The following TRIML1 variants were observed in gnomAD, a reference collection of about 807,000 sequenced individuals.
TRIML1 encodes the protein tripartite motif family like 1, also known as probable E3 ubiquitin-protein ligase TRIML1.
In TRIML1, 34 loss-of-function variants were observed where a neutral mutation model predicts 32.3. That is an observed-to-expected ratio of 1.05 (90% CI 0.80 to 1.40). The LOEUF (loss-of-function observed/expected upper bound fraction) is 1.40. Ranked by LOEUF, TRIML1 falls within the 40% of genes most tolerant of loss-of-function variation. The pLI is 0.00. For synonymous variants in TRIML1, 244 were observed against 226.6 expected (o/e 1.08, Z -0.69); for missense variants, 595 against 574.9 (o/e 1.03, Z -0.36).
At position 188,141,408 on chromosome 4, in the gene TRIML1, C is replaced by T. The variant is rs139343989; in HGVS notation, c.504+785C>T. 3.5e-3 allele frequency among the ~76,000 whole-genome samples: 536 copies of T among 152,130 alleles called. 4 individuals are homozygous for T. Among genetic ancestry groups the T allele is most frequent in the African/African-American group, 0.012 (515 of 41,506 alleles). On this transcript the variant is annotated intron_variant, in intron 2 of 5. Transcript: ENST00000332517. ...CTCGAACTCCCGACCTCAGGTAATC[C>T]ACCTGTCTCGGTCTCCCAAAGTGCT...
At chr4:188,145,056 A>C (rs1271842648) in intron 5 of TRIML1, among the ~76,000 whole-genome samples, 1 of 152,162 alleles carries the variant, frequency 6.6e-6, no homozygotes, top group Non-Finnish European at 1.5e-5. Flanking sequence ...TTCCTTTTGT[A>C]GAATTTTCAA....
Position 188,147,551 on chromosome 4 carries a change from C to T in TRIML1, c.*179C>T, listed in dbSNP as rs957985670. The T allele has an allele frequency of 1.4e-5, 6 of 430,006 alleles. No individual in the cohort carries two copies. Among genetic ancestry groups the T allele is most frequent in the African/African-American group, 1.2e-4 (6 of 49,470 alleles). 26.6% of individuals were successfully genotyped at this position (430,006 alleles called of 1,614,324 possible). A position where few individuals can be genotyped will look rare whatever the true frequency, so the allele number is the denominator to read the frequency against. On this transcript the variant is annotated 3_prime_UTR_variant, in exon 6 of 6. Coordinates refer to ENST00000332517, the MANE Select transcript of TRIML1 (RefSeq NM_178556.5). ...ATTATGAACAGCCACATTACACAATCAACTTCAACCCCAATAGAAGAGAGC... is the reference window on the plus strand; with the variant it reads ...ATTATGAACAGCCACATTACACAATTAACTTCAACCCCAATAGAAGAGAGC...
Position 188,146,902 on chromosome 4 carries a change from A to T in TRIML1, c.937A>T (p.Ser313Cys). ...TCTGAAGAGTGTGAAATATGGGGGA[A>T]GCAGACAGCAGCTACCCGACAACCC... ...EDLKSVKYGG[S>C]RQQLPDNPER... Residue 313 changes from serine to cysteine, a missense_variant, in exon 6 of 6, where the codon AGC becomes TGC. Coordinates refer to ENST00000332517, the MANE Select transcript of TRIML1 (RefSeq NM_178556.5). 2.0e-6 allele frequency: 3 copies of T among 1,495,190 alleles called. No homozygotes were observed. The highest frequency in any genetic ancestry group is 2.7e-6 in the Non-Finnish European group (3 of 1,121,716). 92.6% of individuals were successfully genotyped at this position (1,495,190 alleles called of 1,614,324 possible). A position where few individuals can be genotyped will look rare whatever the true frequency, so the allele number is the denominator to read the frequency against.
At chr4:188,140,483 C>T (rs1271219933) in intron 1 of TRIML1, 45 bp from the exon 2 acceptor site, 1 of 1,517,764 alleles carries the variant, frequency 6.6e-7, no homozygotes, top group Non-Finnish European at 9.2e-7. Context: ...CCTTCATGAC[C>T]TGGGACTCTG....
downstream of TRIML1, among the ~76,000 whole-genome samples, chr4:188,150,724 C>T (rs955727251): frequency 3.3e-5 from 5 of 151,556 alleles, no homozygotes; most frequent in African/African-American, 1.2e-4. Context: ...TCCCCAGTGG[C>T]TCTTTGCTGC....
In TRIML1 at chr4:188,139,508, G is replaced by C. The variant is rs753485291; in HGVS notation, c.-51G>C. ...ACTGTAGGACGGCAGTGAGGGCTTTGCTAATCCCAGAACAGAGGTGTAACC... is the reference window on the plus strand; with the variant it reads ...ACTGTAGGACGGCAGTGAGGGCTTTCCTAATCCCAGAACAGAGGTGTAACC... On this transcript the variant is annotated 5_prime_UTR_variant, in exon 1 of 6. Coordinates refer to ENST00000332517, the MANE Select transcript of TRIML1 (RefSeq NM_178556.5). 7 of 1,516,808 alleles carry C rather than the reference G, an allele frequency of 4.6e-6. No homozygotes were observed. The highest frequency in any genetic ancestry group is 4.6e-5 in the East Asian group (2 of 43,886). 94.0% of individuals were successfully genotyped at this position (1,516,808 alleles called of 1,614,324 possible).
chr4:188,148,327 CTA>C (rs1275412595), downstream of TRIML1, among the ~76,000 whole-genome samples: 2 of 150,690 alleles, frequency 1.3e-5, no homozygotes, highest in Non-Finnish European at 3.0e-5. Flanking sequence ...AACCCCTTCT[CTA>C]CTAAAAATAC....
rs763356381 is a variant in TRIML1, at chr4:188,146,903, G to C, written c.938G>C (p.Ser313Thr). 27 of 1,495,572 alleles carry C rather than the reference G, an allele frequency of 1.8e-5. No individual in the cohort carries two copies. In the Admixed American group the frequency reaches 2.1e-4, roughly 12 times the overall value. 92.6% of individuals were successfully genotyped at this position (1,495,572 alleles called of 1,614,324 possible). Reference protein sequence around the residue: ...EDLKSVKYGGSRQQLPDNPER... With the variant: ...EDLKSVKYGGTRQQLPDNPER... ...CTGAAGAGTGTGAAATATGGGGGAAGCAGACAGCAGCTACCCGACAACCCG... is the reference window on the plus strand; with the variant it reads ...CTGAAGAGTGTGAAATATGGGGGAACCAGACAGCAGCTACCCGACAACCCG... Residue 313 changes from serine to threonine, a missense_variant, in exon 6 of 6, where the codon AGC (serine) becomes ACC (threonine). Ser to Thr is a moderately conservative substitution (Grantham distance 58, BLOSUM62 1). Coordinates refer to ENST00000332517, the MANE Select transcript of TRIML1 (RefSeq NM_178556.5).
Position 188,139,862 on chromosome 4 carries a change from G to A in TRIML1, c.304G>A (p.Ala102Thr). 1.2e-6 allele frequency: 2 copies of A among 1,613,826 alleles called. No homozygotes were observed. Among genetic ancestry groups the A allele is most frequent in the East Asian group, 2.2e-5 (1 of 44,864 alleles). The change falls in exon 1 of 6, where the codon GCC becomes ACC. Residue 102 changes from alanine to threonine, a missense_variant. By Grantham distance (58) the Ala-to-Thr change is moderately conservative (BLOSUM62 0). Coordinates refer to ENST00000332517, the MANE Select transcript of TRIML1 (RefSeq NM_178556.5). ...CAGCTACGGGAGGATGCCCACCACT[G>A]CCAAGGCGCTCTCCGATGACGAGCA... Reference protein sequence around the residue: ...QGSYGRMPTTAKALSDDEQGG... With the variant: ...QGSYGRMPTTTKALSDDEQGG...
intron 2 of TRIML1, 191 bp downstream of exon 2, chr4:188,140,814 G>C (rs531696923): frequency 3.7e-6 from 2 of 542,504 alleles, no homozygotes; most frequent in African/African-American, 1.9e-5. Flanking sequence ...GCTGCAATTC[G>C]CCCCCTCTAG....
chr4:188,142,626 A>G (rs1734905463), intron 3 of TRIML1, 144 bp downstream of exon 3: 1 of 626,314 alleles, frequency 1.6e-6, no homozygotes, highest in African/African-American at 1.9e-5. Context: ...GACATTCTAT[A>G]TGTCAATAAA....
In TRIML1 at chr4:188,143,938, G is replaced by A. The variant is rs1023255524; in HGVS notation, c.758+78G>A. 51 of 1,608,168 alleles carry A rather than the reference G, an allele frequency of 3.2e-5. 1 individual carries two copies. In the South Asian group the frequency reaches 3.2e-4, roughly 10 times the overall value. On this transcript the variant is annotated intron_variant, in intron 4 of 5. Coordinates refer to ENST00000332517, the MANE Select transcript of TRIML1 (RefSeq NM_178556.5). ...TGGACAGTTCTGAGTGGGGATAGGA[G>A]GTCTGCGCTGTTGCTGGGGGAGAAA... is the stretch of plus-strand genomic sequence containing the variant.
chr4:188,141,597 A>C (rs961621622), intron 2 of TRIML1, among the ~76,000 whole-genome samples: 1 of 151,960 alleles, frequency 6.6e-6, no homozygotes, highest in African/African-American at 2.4e-5. Context: ...ATTTTTCTTA[A>C]TTTTGTTTTA....
chr4:188,141,723 A>G (rs1222941231), intron 2 of TRIML1, among the ~76,000 whole-genome samples: 1 of 152,094 alleles, frequency 6.6e-6, no homozygotes, highest in Non-Finnish European at 1.5e-5. Flanking sequence ...TATTGTATCT[A>G]TAGCGCACAT....
At position 188,144,113 on chromosome 4, in the gene TRIML1, A is replaced by C. The variant is rs776290641; in HGVS notation, c.836A>C (p.Glu279Ala). The part of the protein sequence containing the change: ...LSLCRITGMK[E>A]MLRKFSTEIT... ...CTGTGCCGCATCACGGGAATGAAGG[A>C]GATGCTAAGAAAATTCAGCAGTAAG... Residue 279 changes from glutamate (E) to alanine (A), a missense_variant, in exon 5 of 6, where the codon GAG (glutamate) becomes GCG (alanine). Physicochemically the swap from Glu to Ala is moderately radical, Grantham distance 107. Transcript: ENST00000332517. 2 of 1,613,938 alleles carry C rather than the reference A, an allele frequency of 1.2e-6. No homozygotes were observed. Among genetic ancestry groups the C allele is most frequent in the South Asian group, 2.2e-5 (2 of 91,054 alleles).
At position 188,139,870 on chromosome 4, in the gene TRIML1, G is replaced by A. The variant is rs73023226; in HGVS notation, c.312G>A (p.Ala104=). The A allele has an allele frequency of 0.029, 46,474 of 1,613,734 alleles. 1,769 individuals are homozygous for A. Among genetic ancestry groups the A allele is most frequent in the African/African-American group, 0.19 (14,039 of 74,988 alleles). The change falls in exon 1 of 6, where the codon GCG becomes GCA. Residue 104 remains alanine, a synonymous_variant. Coordinates refer to ENST00000332517, the MANE Select transcript of TRIML1 (RefSeq NM_178556.5). ...SYGRMPTTAK[A]LSDDEQGGSA... ...GGAGGATGCCCACCACTGCCAAGGC[G>A]CTCTCCGATGACGAGCAGGGTGGAA...
At chr4:188,140,069 C>A in intron 1 of TRIML1, 103 bp downstream of exon 1, 1 of 1,221,330 alleles carries the variant, frequency 8.2e-7, no homozygotes, top group Non-Finnish European at 1.1e-6. Flanking sequence ...TCACGAGGGC[C>A]CATCTGAGCA....
At chr4:188,145,708 T>C (rs1453445256) in intron 5 of TRIML1, among the ~76,000 whole-genome samples, 1 of 151,754 alleles carries the variant, frequency 6.6e-6, no homozygotes, top group Non-Finnish European at 1.5e-5. Context: ...AGACTACTAC[T>C]CGGGAGGCTG....
At chr4:188,144,455 C>CG (rs1734985848) in intron 5 of TRIML1, among the ~76,000 whole-genome samples, 1 of 148,124 alleles carries the variant, frequency 6.8e-6, no homozygotes. Context: ...CTCCGCTTCC[C>CG]GGGTTCACGC....
Sources: allele counts gnomAD v4.1 joint callset (sites outside exome capture counted in the v4.1 genomes callset), GRCh38; gene constraint gnomAD v4.1.1; transcripts MANE v1.5; gene names NCBI Gene and HGNC (gene_info 2026-07-23, HGNC 2026-07-21).